Variants in PCDHGA2 observed in about 807,000 individuals in gnomAD.
PCDHGA2 encodes protocadherin gamma-A2.
A neutral mutation model predicts 59.2 loss-of-function variants in PCDHGA2; 40 were observed. The ratio of observed to expected loss-of-function variants is 0.68; its 90% CI spans 0.52 to 0.88. The LOEUF is 0.88. PCDHGA2 is among the 40% of genes least tolerant of loss of function. The pLI, the probability that PCDHGA2 is intolerant of heterozygous loss-of-function variation, is 0.00. For synonymous variants in PCDHGA2, 560 were observed against 526.0 expected, an observed-to-expected ratio of 1.06 and a Z score of -0.89; for missense variants, 1,226 against 1,204.0, an observed-to-expected ratio of 1.02 and a Z score of -0.27.
Position 141,476,348 on chromosome 5 carries a change from G to C in PCDHGA2, c.2425-18459G>C, listed in dbSNP as rs764669470. Reference sequence around the variant, plus strand: ...GTCTGGAGCTAGCCGAAGATTCTTTGAGGTGAACCGGGAGACCGGAGAGAT... The same window carrying C: ...GTCTGGAGCTAGCCGAAGATTCTTTCAGGTGAACCGGGAGACCGGAGAGAT... On this transcript the variant is annotated intron_variant, in intron 1 of 3. Transcript: ENST00000394576. The surrounding 1 kb of genome is among the most constrained non-coding windows in gnomAD (Gnocchi z 7.6). 2 of 1,614,190 alleles carry C rather than the reference G, an allele frequency of 1.2e-6. No individual in the cohort carries two copies. The highest frequency in any genetic ancestry group is 2.2e-5 in the South Asian group (2 of 91,078).
chr5:141,354,006 T>C (rs949928524), intron 1 of PCDHGA2, among the ~76,000 whole-genome samples: 1 of 152,236 alleles, frequency 6.6e-6, no homozygotes, highest in Non-Finnish European at 1.5e-5. Flanking sequence ...GATTAGTAAA[T>C]TACTGTAAGT....
intron 1 of PCDHGA2, chr5:141,387,801 C>A: frequency 6.6e-7 from 1 of 1,509,314 alleles, no homozygotes; most frequent in Non-Finnish European, 8.9e-7. Flanking sequence ...AAAGTCCGTT[C>A]GGAGATCCAA....
intron 1 of PCDHGA2, chr5:141,418,549 C>T: frequency 6.2e-7 from 1 of 1,614,024 alleles, no homozygotes; most frequent in Non-Finnish European, 8.5e-7. Context: ...AGATAAGAAT[C>T]CTGGTAATAG....
chr5:141,423,674 C>G (rs57195665), intron 1 of PCDHGA2: 15 of 1,514,742 alleles, frequency 9.9e-6, no homozygotes, highest in African/African-American at 2.9e-5. Flanking sequence ...AGATTTATTT[C>G]TCTGCCTCCT....
chr5:141,356,951 C>G (rs754711250), intron 1 of PCDHGA2: 1 of 1,614,230 alleles, frequency 6.2e-7, no homozygotes, highest in Non-Finnish European at 8.5e-7. Context: ...TCCGCAGATT[C>G]CGGCTACCTG....
At chr5:141,393,867 T>G in intron 1 of PCDHGA2, 1 of 1,614,000 alleles carries the variant, frequency 6.2e-7, no homozygotes. Context: ...CATTACGTCT[T>G]TGTTTAGCCC....
At chr5:141,399,125 T>C in intron 1 of PCDHGA2, 1 of 1,613,834 alleles carries the variant, frequency 6.2e-7, no homozygotes, top group South Asian at 1.1e-5. Context: ...GAAATTAATA[T>C]TCAAGATGAA....
At position 141,361,198 on chromosome 5, in the gene PCDHGA2, C is replaced by A. The variant is rs377236216; in HGVS notation, c.2424+19803C>A. 3 of 1,613,964 alleles carry A rather than the reference C, an allele frequency of 1.9e-6. No individual in the cohort carries two copies. The highest frequency in any genetic ancestry group is 2.2e-5 in the South Asian group (2 of 91,082). ...AGTTATTGTGACTTCAGTATCTACT[C>A]CCCTACCGGAGGATTCGCCACCAGG... On this transcript the variant is annotated intron_variant, in intron 1 of 3. Transcript: ENST00000394576.
rs778496260 is a variant in PCDHGA2 at position 141,376,289 on chromosome 5, C to T, written c.2424+34894C>T. On this transcript the variant is annotated intron_variant, in intron 1 of 3. Coordinates refer to ENST00000394576, the MANE Select transcript of PCDHGA2 (RefSeq NM_018915.4). ...TTCGGGAGGTGGCTTAGCGAGCATGCCCGGCTCGCACTTTGTGGGCGTGGA... is the reference window on the plus strand; with the variant it reads ...TTCGGGAGGTGGCTTAGCGAGCATGTCCGGCTCGCACTTTGTGGGCGTGGA... 3.7e-6 allele frequency: 6 copies of T among 1,614,060 alleles called. No homozygotes were observed. The highest frequency in any genetic ancestry group is 5.1e-6 in the Non-Finnish European group (6 of 1,180,046).
chr5:141,398,165 G>A (rs574512663), intron 1 of PCDHGA2: 4 of 1,479,272 alleles, frequency 2.7e-6, no homozygotes, highest in South Asian at 2.8e-5. Context: ...CGGGCTGAGA[G>A]GCTGCCAGTG....
chr5:141,384,160 A>G, intron 1 of PCDHGA2: 1 of 1,613,640 alleles, frequency 6.2e-7, no homozygotes, highest in African/African-American at 1.3e-5. Flanking sequence ...GTATAACATC[A>G]CACTGAAAGC....
intron 1 of PCDHGA2, chr5:141,419,522 C>T (rs781128524): frequency 1.5e-5 from 24 of 1,612,178 alleles, no homozygotes; most frequent in Non-Finnish European, 1.9e-5. Flanking sequence ...GGTGGGCGAC[C>T]GTAACGACAA....
At chr5:141,376,467 A>C in intron 1 of PCDHGA2, 3 of 1,614,180 alleles carry the variant, frequency 1.9e-6, no homozygotes, top group Non-Finnish European at 2.5e-6. Flanking sequence ...CTGATAACTC[A>C]GGATTTACTT....
chr5:141,413,033 T>G, intron 1 of PCDHGA2: 1 of 776,760 alleles, frequency 1.3e-6, no homozygotes, highest in Non-Finnish European at 2.0e-6. Context: ...ACAAACCGGC[T>G]GCTGGGCTGC....
At chr5:141,357,269 C>T in intron 1 of PCDHGA2, 1 of 1,613,812 alleles carries the variant, frequency 6.2e-7, no homozygotes, top group Non-Finnish European at 8.5e-7. Flanking sequence ...TCGGGCCTCA[C>T]ACTCTATCTC....
intron 1 of PCDHGA2, chr5:141,433,049 C>A (rs1418118305): frequency 6.2e-7 from 1 of 1,614,110 alleles, no homozygotes; most frequent in Admixed American, 1.7e-5. Flanking sequence ...CACGGACTCG[C>A]GGAAGAGTCA....
At chr5:141,456,148 C>G (rs1408257938) in intron 1 of PCDHGA2, among the ~76,000 whole-genome samples, 1 of 152,080 alleles carries the variant, frequency 6.6e-6, no homozygotes, top group African/African-American at 2.4e-5. Flanking sequence ...CCGCCCGCCT[C>G]GGCCTCCTAA....
At position 141,352,389 on chromosome 5, in the gene PCDHGA2, G is replaced by C. The variant is rs768350578; in HGVS notation, c.2424+10994G>C. On this transcript the variant is annotated intron_variant, in intron 1 of 3. Transcript: ENST00000394576. ...GCGGTGATTCTAGCGATCGCCCTGC[G>C]CCTGCGACGTTCCTCCAGCCTCGAC... The C allele has an allele frequency of 6.2e-6, 10 of 1,613,888 alleles. No homozygotes were observed. The Admixed American group carries it at 1.0e-4, about 16-fold the overall frequency.
chr5:141,479,676 G>A (rs2099503035), intron 1 of PCDHGA2: 1 of 152,242 alleles, frequency 6.6e-6, no homozygotes, highest in African/African-American at 2.4e-5. Context: ...CAAAAGGAGA[G>A]TCTTTTTGGT....
Sources: gnomAD v4.1 joint callset for allele counts (sites outside exome capture counted in the v4.1 genomes callset) on GRCh38, gnomAD v4.1.1 for gene constraint, Gnocchi (gnomAD v3.1) non-coding constraint, MANE v1.5 for transcripts, NCBI Gene and HGNC (gene_info 2026-07-23, HGNC 2026-07-21) for gene names.